Variants in MGAT5 observed in about 807,000 individuals in gnomAD.
The protein encoded by MGAT5 is alpha-1,6-mannosylglycoprotein 6-beta-N-acetylglucosaminyltransferase A.
In MGAT5, 30 loss-of-function variants were observed where a neutral mutation model predicts 94.3. The observed-to-expected ratio is 0.32, with a 90% CI of 0.24 to 0.43. The LOEUF (loss-of-function observed/expected upper bound fraction) is 0.43, where lower values mean the gene tolerates loss of function less well. Among genes scored for constraint, MGAT5 ranks in the 20% least tolerant of loss-of-function variants. MGAT5 has a pLI of 1.00. For missense variants in MGAT5, 691 were observed against 905.5 expected, an observed-to-expected ratio of 0.76 and a Z score of 3.04; for synonymous variants, 310 against 322.9, an observed-to-expected ratio of 0.96 and a Z score of 0.43.
chr2:134,436,230 C>A (rs1292736474), intron 14 of MGAT5, among the ~76,000 whole-genome samples: 1 of 152,218 alleles, frequency 6.6e-6, no homozygotes, highest in Non-Finnish European at 1.5e-5. Context: ...AGTCCCACAG[C>A]TGGGAGCCAG....
In MGAT5 at chr2:134,390,318, A is replaced by G. The variant is rs751004396; in HGVS notation, c.1381-12670A>G. 2.6e-5 allele frequency among the ~76,000 whole-genome samples: 4 copies of G among 152,186 alleles called. 1 individual carries two copies. Among genetic ancestry groups the G allele is most frequent in the Non-Finnish European group, 2.9e-5 (2 of 68,022 alleles). ...CTACCCTCCAATCAAATCAAACACCAAAAACAAAATCCAACTTCAGTTACT... is the reference window on the plus strand; with the variant it reads ...CTACCCTCCAATCAAATCAAACACCGAAAACAAAATCCAACTTCAGTTACT... On this transcript the variant is annotated intron_variant, in intron 10 of 15. Coordinates refer to ENST00000281923, the MANE Select transcript of MGAT5 (RefSeq NM_002410.5).
intron 9 of MGAT5, among the ~76,000 whole-genome samples, chr2:134,353,906 A>T (rs577385534): frequency 6.6e-6 from 1 of 152,240 alleles, no homozygotes; most frequent in Admixed American, 6.5e-5. Context: ...AAAAAAAAAT[A>T]GTTCCTACAC....
At chr2:134,166,326 A>C (rs773898653) in intron 1 of MGAT5, among the ~76,000 whole-genome samples, 2 of 152,256 alleles carry the variant, frequency 1.3e-5, no homozygotes, top group Non-Finnish European at 2.9e-5. Flanking sequence ...TTATTCGTGC[A>C]TAGTGCAGTC....
intron 15 of MGAT5, among the ~76,000 whole-genome samples, chr2:134,447,592 T>C (rs943562267): frequency 6.6e-6 from 1 of 152,160 alleles, no homozygotes; most frequent in Non-Finnish European, 1.5e-5. Context: ...CCAACACCAC[T>C]TTCTCTGATA....
Position 134,392,571 on chromosome 2 carries a change from G to A in MGAT5, c.1381-10417G>A, listed in dbSNP as rs150056517. On this transcript the variant is annotated intron_variant, in intron 10 of 15. Coordinates refer to ENST00000281923, the MANE Select transcript of MGAT5 (RefSeq NM_002410.5). ...GGAGCAGGGGAAGGAAGGAGCCCAA[G>A]AGAGTCTTGTGTTTTAAGTGGCCTG... Among the ~76,000 whole-genome samples, 163 of 152,298 alleles carry A rather than the reference G, an allele frequency of 1.1e-3. No individual in the cohort carries two copies. In the Middle Eastern group the frequency reaches 0.014, roughly 13 times the overall value.
At chr2:134,236,545 C>A (rs1335144299) in intron 1 of MGAT5, among the ~76,000 whole-genome samples, 2 of 152,128 alleles carry the variant, frequency 1.3e-5, no homozygotes, top group Admixed American at 1.3e-4. Context: ...GGACCTTCCC[C>A]CCCCTTTTGC....
chr2:134,431,300 A>G (rs1000850172), intron 14 of MGAT5, among the ~76,000 whole-genome samples: 1 of 152,192 alleles, frequency 6.6e-6, no homozygotes, highest in Non-Finnish European at 1.5e-5. Context: ...GCTTAGAAAA[A>G]TCATTCCAGG....
At chr2:134,289,844 T>C (rs1685239077) in intron 2 of MGAT5, among the ~76,000 whole-genome samples, 1 of 152,160 alleles carries the variant, frequency 6.6e-6, no homozygotes, top group Non-Finnish European at 1.5e-5. Flanking sequence ...CCTATATGAC[T>C]CCGCTGGGAG....
chr2:134,256,534 T>A (rs1682971916), intron 1 of MGAT5, among the ~76,000 whole-genome samples: 1 of 152,218 alleles, frequency 6.6e-6, no homozygotes, highest in South Asian at 2.1e-4. Flanking sequence ...TTGTATTTCT[T>A]GTGTATTGAT....
intron 13 of MGAT5, among the ~76,000 whole-genome samples, chr2:134,426,031 C>A (rs1184727167): frequency 2.0e-5 from 3 of 152,170 alleles, no homozygotes; most frequent in African/African-American, 7.2e-5. Flanking sequence ...GAGGCCTTCA[C>A]TTGTTCCTAA....
At chr2:134,432,167 C>G (rs995285690) in intron 14 of MGAT5, among the ~76,000 whole-genome samples, 4 of 152,152 alleles carry the variant, frequency 2.6e-5, no homozygotes, top group African/African-American at 7.2e-5. Flanking sequence ...GAGAGTATAG[C>G]AGGACTTTTT....
At chr2:134,131,657 C>T (rs1686178882) in intron 1 of MGAT5, among the ~76,000 whole-genome samples, 1 of 141,494 alleles carries the variant, frequency 7.1e-6, no homozygotes, top group African/African-American at 2.5e-5. Context: ...TATCCACACT[C>T]TTTGCCCTAT....
At chr2:134,418,747 G>A (rs904774034) in intron 12 of MGAT5, among the ~76,000 whole-genome samples, 5 of 152,210 alleles carry the variant, frequency 3.3e-5, no homozygotes, top group African/African-American at 9.7e-5. Flanking sequence ...AAAAGGAGGC[G>A]AGCGGGTCTC....
At chr2:134,177,957 C>T (rs1186347631) in intron 1 of MGAT5, among the ~76,000 whole-genome samples, 1 of 151,940 alleles carries the variant, frequency 6.6e-6, no homozygotes, top group South Asian at 2.1e-4. Flanking sequence ...AATTGGTAGC[C>T]CATGATGAAA....
At chr2:134,401,277 A>T (rs1168142190) in intron 10 of MGAT5, among the ~76,000 whole-genome samples, 1 of 152,118 alleles carries the variant, frequency 6.6e-6, no homozygotes, top group Non-Finnish European at 1.5e-5. Flanking sequence ...CTGGCTCGTA[A>T]TTGCCCAGAC....
At chr2:134,213,281 G>A (rs1384872669) in intron 1 of MGAT5, among the ~76,000 whole-genome samples, 1 of 152,174 alleles carries the variant, frequency 6.6e-6, no homozygotes, top group Admixed American at 6.5e-5. Context: ...GACTGGCTTT[G>A]CAAACGTATT....
chr2:134,348,968 G>A (rs538993673), intron 8 of MGAT5, among the ~76,000 whole-genome samples: 1 of 152,340 alleles, frequency 6.6e-6, no homozygotes, highest in South Asian at 2.1e-4. Context: ...CTACTTAGCT[G>A]TGCTGTTGCA....
At chr2:134,193,112 AT>A (rs1481070883) in intron 1 of MGAT5, among the ~76,000 whole-genome samples, 2 of 145,522 alleles carry the variant, frequency 1.4e-5, no homozygotes, top group East Asian at 4.3e-4. Flanking sequence ...CTTTATTTTT[AT>A]TTTTATTTTT....
chr2:134,206,129 T>G (rs1349015837), intron 1 of MGAT5, among the ~76,000 whole-genome samples: 2 of 152,218 alleles, frequency 1.3e-5, no homozygotes, highest in African/African-American at 4.8e-5. Context: ...TACTCATTAT[T>G]GAGAGGAATT....
Sources: gnomAD v4.1 joint callset for allele counts (sites outside exome capture counted in the v4.1 genomes callset) on GRCh38, gnomAD v4.1.1 for gene constraint, MANE v1.5 for transcripts, NCBI Gene and HGNC (gene_info 2026-07-23, HGNC 2026-07-21) for gene names.